ADAM2: variants seen among roughly 807,000 people sequenced by gnomAD.
ADAM2 encodes the protein disintegrin and metalloproteinase domain-containing protein 2.
In ADAM2, 101 loss-of-function variants were observed where a neutral mutation model predicts 99.3. The observed-to-expected ratio is 1.02, with a 90% CI of 0.87 to 1.20. The LOEUF (loss-of-function observed/expected upper bound fraction) is 1.20. ADAM2 is among the 50% of genes most tolerant of loss of function. The pLI is 0.00. For synonymous variants in ADAM2, 323 were observed against 287.6 expected (o/e 1.12, Z -1.25); for missense variants, 948 against 878.7 (o/e 1.08, Z -1.00).
chr8:39,791,155 G>A (rs1803695627), intron 7 of ADAM2, among the ~76,000 whole-genome samples: 1 of 151,858 alleles, frequency 6.6e-6, no homozygotes, highest in Admixed American at 6.6e-5. Flanking sequence ...TGAAAGAGCT[G>A]ACCTTTCAAG....
chr8:39,783,351 T>C (rs907499977), intron 10 of ADAM2, among the ~76,000 whole-genome samples: 3 of 152,194 alleles, frequency 2.0e-5, no homozygotes, highest in East Asian at 1.9e-4. Context: ...AGGTAGGTTG[T>C]TTTTTTCCAT....
intron 3 of ADAM2, among the ~76,000 whole-genome samples, chr8:39,827,037 AAAC>A (rs146322386): frequency 0.088 from 13,316 of 152,018 alleles, 799 homozygotes; most frequent in Non-Finnish European, 0.13. Context: ...ATAGGAATAC[AAAC>A]AACTCAGAAA....
chr8:39,833,884 T>C, intron 3 of ADAM2, 60 bp downstream of exon 3: 1 of 950,412 alleles, frequency 1.1e-6, no homozygotes, highest in Admixed American at 2.0e-5. Context: ...TTCTGGACAA[T>C]TTCAAGCAAA....
chr8:39,837,169 T>G lies in ADAM2; in HGVS notation c.99A>C (p.Ile33=), dbSNP rs771047573. ...LPVQITVPEK[I]RSIIKEGIES... is the part of the protein sequence containing the mutation. Reference sequence around the variant, plus strand: ...CAATTCCTTCCTTTATTATTGACCGTATTTTCTCCGGAACTGTAATTTGCA... The same window carrying G: ...CAATTCCTTCCTTTATTATTGACCGGATTTTCTCCGGAACTGTAATTTGCA... The change falls in exon 2 of 21, where the codon ATA becomes ATC. Residue 33 remains isoleucine (I), a synonymous_variant. Coordinates refer to ENST00000265708, the MANE Select transcript of ADAM2 (RefSeq NM_001464.5). The G allele has an allele frequency of 6.2e-7, 1 of 1,610,040 alleles. No homozygotes were observed. Among genetic ancestry groups the G allele is most frequent in the Non-Finnish European group, 8.5e-7 (1 of 1,177,382 alleles).
chr8:39,760,827 T>A (rs911661697), intron 15 of ADAM2, among the ~76,000 whole-genome samples: 1 of 125,680 alleles, frequency 8.0e-6, no homozygotes, highest in East Asian at 2.4e-4. Context: ...TTTGTAAAAA[T>A]TAAAGTAATA....
At chr8:39,785,507 A>G (rs997999919) in intron 10 of ADAM2, among the ~76,000 whole-genome samples, 3 of 152,196 alleles carry the variant, frequency 2.0e-5, no homozygotes, top group Non-Finnish European at 4.4e-5. Context: ...CAGCAACCCT[A>G]TTACTGGGTA....
chr8:39,835,868 A>G (rs772214556), intron 2 of ADAM2, among the ~76,000 whole-genome samples: 2 of 152,060 alleles, frequency 1.3e-5, no homozygotes, highest in Non-Finnish European at 1.5e-5. Flanking sequence ...AAAATAAACT[A>G]GGCTATTATG....
intron 7 of ADAM2, among the ~76,000 whole-genome samples, chr8:39,808,430 C>A (rs938850312): frequency 2.0e-5 from 3 of 152,008 alleles, no homozygotes; most frequent in Non-Finnish European, 4.4e-5. Flanking sequence ...CAAAGAAGAT[C>A]TAAATAATGG....
intron 6 of ADAM2, among the ~76,000 whole-genome samples, chr8:39,812,987 A>T (rs1804767989): frequency 6.6e-6 from 1 of 152,148 alleles, no homozygotes; most frequent in African/African-American, 2.4e-5. Context: ...GAGGCAACCT[A>T]TAGAATGGGA....
chr8:39,783,191 T>C (rs1322889450), intron 10 of ADAM2, among the ~76,000 whole-genome samples: 2 of 152,206 alleles, frequency 1.3e-5, no homozygotes, highest in Non-Finnish European at 2.9e-5. Context: ...CACTTTTCTC[T>C]GTAAGATTTC....
At chr8:39,772,050 A>C (rs1209079023) in intron 11 of ADAM2, among the ~76,000 whole-genome samples, 1 of 151,654 alleles carries the variant, frequency 6.6e-6, no homozygotes, top group African/African-American at 2.4e-5. Flanking sequence ...CACGTTGTGC[A>C]CATGTACCCT....
chr8:39,833,993 A>G lies in ADAM2; in HGVS notation c.139T>C (p.Tyr47His). 1 of 1,572,572 alleles carries G rather than the reference A, an allele frequency of 6.4e-7. No individual in the cohort carries two copies. The change falls in exon 3 of 21, where the codon TAC becomes CAC. Residue 47 changes from tyrosine (Y) to histidine (H), a missense_variant. Physicochemically the swap from Tyr to His is moderately conservative, Grantham distance 83 (BLOSUM62 2). Coordinates refer to ENST00000265708, the MANE Select transcript of ADAM2 (RefSeq NM_001464.5). The stretch of plus-strand genomic sequence containing the variant: ...GGTTTCCCTTCAATTACAATTTTGT[A>G]GGATGCCTGGCAGGAGAGCACAGTA... ...IKEGIESQAS[Y>H]KIVIEGKPYT...
intron 14 of ADAM2, among the ~76,000 whole-genome samples, chr8:39,762,364 G>T (rs562655345): frequency 1.3e-5 from 2 of 152,254 alleles, no homozygotes; most frequent in Non-Finnish European, 2.9e-5. Flanking sequence ...TTTAACCTTG[G>T]CTATGGTAGC....
intron 16 of ADAM2, among the ~76,000 whole-genome samples, chr8:39,750,983 A>AC (rs1801913470): frequency 6.6e-6 from 1 of 152,120 alleles, no homozygotes; most frequent in African/African-American, 2.4e-5. Context: ...ATTTTGGGAG[A>AC]TTTTTCCTCT....
intron 7 of ADAM2, among the ~76,000 whole-genome samples, chr8:39,796,306 C>A (rs761157660): frequency 1.4e-4 from 22 of 152,118 alleles, no homozygotes; most frequent in Admixed American, 7.2e-4. Context: ...GTTTTCTGTT[C>A]CTGTGTTAGT....
chr8:39,807,791 T>C (rs985944604), intron 7 of ADAM2, among the ~76,000 whole-genome samples: 1 of 152,112 alleles, frequency 6.6e-6, no homozygotes, highest in African/African-American at 2.4e-5. Context: ...GCCAGAAATA[T>C]ATAAAAATGA....
At chr8:39,795,959 G>C (rs1249572942) in intron 7 of ADAM2, among the ~76,000 whole-genome samples, 1 of 151,986 alleles carries the variant, frequency 6.6e-6, no homozygotes, top group Non-Finnish European at 1.5e-5. Flanking sequence ...AAACCCAATG[G>C]TCTTTCCTTG....
Position 39,777,148 on chromosome 8 carries a change from ATGGTTC to A in ADAM2, c.899_904del (p.Arg300_Thr301del). ...AATAACTGCAAGTGATTCCAGACTT[ATGGTTC>A]TGGGGTGCTGAGAAAAAAAAATAGA... On this transcript the variant is annotated inframe_deletion, in exon 11 of 21. Coordinates refer to ENST00000265708, the MANE Select transcript of ADAM2 (RefSeq NM_001464.5). The A allele has an allele frequency of 6.2e-7, 1 of 1,611,202 alleles. No homozygotes were observed. The highest frequency in any genetic ancestry group is 8.5e-7 in the Non-Finnish European group (1 of 1,178,310).
chr8:39,788,098 C>A lies in ADAM2; in HGVS notation c.796G>T (p.Ala266Ser). The change falls in exon 9 of 21, where the codon GCA (alanine) becomes TCA (serine). Residue 266 changes from alanine to serine, a missense_variant. Physicochemically the swap from Ala to Ser is moderately conservative, Grantham distance 99. Coordinates refer to ENST00000265708, the MANE Select transcript of ADAM2 (RefSeq NM_001464.5). ...AGATATCCTTACACAAGTAAAAATG[C>A]CACATCATGAGGACGTAAAACAAGA... ...SYLVLRPHDV[A>S]FLLVYREKSN... 6.6e-7 allele frequency: 1 copy of A among 1,525,404 alleles called. No individual in the cohort carries two copies. 94.5% of individuals were successfully genotyped at this position (1,525,404 alleles called of 1,614,324 possible).
Sources: allele counts gnomAD v4.1 joint callset (sites outside exome capture counted in the v4.1 genomes callset), GRCh38; gene constraint gnomAD v4.1.1; transcripts MANE v1.5; gene names NCBI Gene and HGNC (gene_info 2026-07-23, HGNC 2026-07-21).